Variants in BTNL8 observed in about 807,000 individuals in gnomAD.
BTNL8 encodes butyrophilin-like protein 8.
A neutral mutation model predicts 36.1 loss-of-function variants in BTNL8; 22 were observed. The observed-to-expected ratio is 0.61, with a 90% CI of 0.44 to 0.87. The LOEUF (loss-of-function observed/expected upper bound fraction) is 0.87. Ranked by LOEUF, BTNL8 falls within the 40% of genes least tolerant of loss-of-function variation. The pLI, the probability that BTNL8 is intolerant of heterozygous loss-of-function variation, is 0.00. For synonymous variants in BTNL8, 203 were observed against 235.6 expected (o/e 0.86, Z 1.27); for missense variants, 526 against 616.9 (o/e 0.85, Z 1.56).
Position 180,935,555 on chromosome 5 carries a change from G to C in BTNL8, c.674-11957G>C, listed in dbSNP as rs1008274849. Reference sequence around the variant, plus strand: ...AGTGGACACCAGGAGCAGGGAGAGGGTAGGAAGCAGAAGCAGGCACTTCTG... The same window carrying C: ...AGTGGACACCAGGAGCAGGGAGAGGCTAGGAAGCAGAAGCAGGCACTTCTG... On this transcript the variant is annotated intron_variant, in intron 3 of 7. Coordinates refer to ENST00000340184, the MANE Select transcript of BTNL8 (RefSeq NM_001040462.3). The surrounding 1 kb of genome is among the most constrained non-coding windows in gnomAD (Gnocchi z 4.8). Among the ~76,000 whole-genome samples, 3 of 152,252 alleles carry C rather than the reference G, an allele frequency of 2.0e-5. No individual in the cohort carries two copies. The highest frequency in any genetic ancestry group is 4.4e-5 in the Non-Finnish European group (3 of 68,052).
chr5:180,909,023 A>ATT lies in BTNL8; in HGVS notation c.397+90_397+91insTT, dbSNP rs1354771434. 6.5e-4 allele frequency: 875 copies of ATT among 1,343,540 alleles called. 3 individuals carry two copies. The African/African-American group carries it at 0.012, about 18-fold the overall frequency. The allele number at this position is 1,343,540 out of a possible 1,614,324, so 83.2% of individuals were successfully genotyped here. ...TTCAATAAGGAAATTTTAAAATTTTAGGTCATTTAGTTAGAAGGCAGCATT... is the reference window on the plus strand; with the variant it reads ...TTCAATAAGGAAATTTTAAAATTTTATTGGTCATTTAGTTAGAAGGCAGCATT... On this transcript the variant is annotated intron_variant, in intron 2 of 7. Coordinates refer to ENST00000340184, the MANE Select transcript of BTNL8 (RefSeq NM_001040462.3).
At chr5:180,909,718 A>T in intron 2 of BTNL8, 1 of 245,132 alleles carries the variant, frequency 4.1e-6, no homozygotes, top group Non-Finnish European at 6.4e-6. Context: ...ATCTCTATTA[A>T]AAAAAAAAAA....
intron 3 of BTNL8, among the ~76,000 whole-genome samples, chr5:180,928,334 G>A (rs1215982688): frequency 1.3e-5 from 2 of 152,106 alleles, no homozygotes; most frequent in Admixed American, 6.5e-5. Context: ...CCTGGAGAAA[G>A]CACTAAATAT....
intron 3 of BTNL8, among the ~76,000 whole-genome samples, chr5:180,912,166 G>A (rs1264814847): frequency 6.6e-6 from 1 of 152,070 alleles, no homozygotes; most frequent in African/African-American, 2.4e-5. Context: ...CTGAACCACT[G>A]GCTCTTTCTA....
intron 2 of BTNL8, among the ~76,000 whole-genome samples, chr5:180,910,870 C>T (rs893129856): frequency 3.3e-5 from 5 of 152,214 alleles, no homozygotes; most frequent in African/African-American, 1.2e-4. Context: ...GTCAGCCCCA[C>T]ACGTGTGATG....
chr5:180,930,598 C>T (rs924139543), intron 3 of BTNL8, among the ~76,000 whole-genome samples: 2 of 152,146 alleles, frequency 1.3e-5, no homozygotes, highest in East Asian at 3.8e-4. Context: ...AGCTGATAAG[C>T]AACTTTAGCA....
chr5:180,934,400 T>A (rs986430074), intron 3 of BTNL8, among the ~76,000 whole-genome samples: 31 of 152,372 alleles, frequency 2.0e-4, no homozygotes, highest in Middle Eastern at 3.4e-3. Flanking sequence ...TTAGGCCCAT[T>A]GGGCTTGTTC....
chr5:180,911,953 T>G (rs184161965), intron 3 of BTNL8, among the ~76,000 whole-genome samples: 31 of 152,188 alleles, frequency 2.0e-4, no homozygotes, highest in Non-Finnish European at 7.4e-5. Flanking sequence ...TGTTTACACA[T>G]AAGATTCACA....
In BTNL8 at chr5:180,950,647, C is replaced by A; in HGVS notation, c.*103C>A. On this transcript the variant is annotated 3_prime_UTR_variant, in exon 8 of 8. Transcript: ENST00000340184. Reference sequence around the variant, plus strand: ...AAGGTGGCTTCCAGATGAAGGGGGACTGGCCTGTCCACATGGGAGTCAGGT... The same window carrying A: ...AAGGTGGCTTCCAGATGAAGGGGGAATGGCCTGTCCACATGGGAGTCAGGT... 8.4e-7 allele frequency: 1 copy of A among 1,188,194 alleles called. No individual in the cohort carries two copies. The allele number at this position is 1,188,194 out of a possible 1,614,324, so 73.6% of individuals were successfully genotyped here. A position where few individuals can be genotyped will look rare whatever the true frequency, so the allele number is the denominator to read the frequency against.
At chr5:180,937,640 T>C (rs951900470) in intron 3 of BTNL8, among the ~76,000 whole-genome samples, 4 of 152,188 alleles carry the variant, frequency 2.6e-5, no homozygotes, top group Non-Finnish European at 5.9e-5. Flanking sequence ...AGGTGGTTTA[T>C]ATATAATGTT....
At chr5:180,916,340 C>A (rs1411008979) in intron 3 of BTNL8, among the ~76,000 whole-genome samples, 1 of 151,716 alleles carries the variant, frequency 6.6e-6, no homozygotes, top group African/African-American at 2.4e-5. Context: ...AAAACCAGTT[C>A]TAAAAGTTTA....
intron 3 of BTNL8, among the ~76,000 whole-genome samples, chr5:180,918,342 C>A (rs1271614763): frequency 6.6e-6 from 1 of 152,068 alleles, no homozygotes; most frequent in Non-Finnish European, 1.5e-5. Flanking sequence ...CTCTGGGATG[C>A]AAGAATGTTT....
intron 3 of BTNL8, among the ~76,000 whole-genome samples, chr5:180,940,855 C>A (rs1359797994): frequency 6.6e-6 from 1 of 152,072 alleles, no homozygotes; most frequent in African/African-American, 2.4e-5. Context: ...CACTTGAGGT[C>A]AGGAGCTCGA....
chr5:180,920,440 C>A (rs1757813324), intron 3 of BTNL8, among the ~76,000 whole-genome samples: 1 of 151,966 alleles, frequency 6.6e-6, no homozygotes, highest in Non-Finnish European at 1.5e-5. Flanking sequence ...ACACAAAAAT[C>A]AATTCAAAAT....
At position 180,929,665 on chromosome 5, in the gene BTNL8, A is replaced by G. The variant is rs549547930; in HGVS notation, c.674-17847A>G. The stretch of plus-strand genomic sequence containing the variant: ...TGATCCCACAGAAATACAAACTACA[A>G]TCAGAGAATACTATAAATCCCTCTA... On this transcript the variant is annotated intron_variant, in intron 3 of 7. Transcript: ENST00000340184. Among the ~76,000 whole-genome samples the G allele has an allele frequency of 3.9e-5, 6 of 152,334 alleles. No individual in the cohort carries two copies. In the South Asian group the frequency reaches 1.2e-3, roughly 32 times the overall value.
intron 1 of BTNL8, 45 bp from the exon 2 acceptor site, chr5:180,908,541 C>T: frequency 6.3e-7 from 1 of 1,586,964 alleles, no homozygotes; most frequent in Non-Finnish European, 8.6e-7. Context: ...CTCCCCCTCA[C>T]TACAAAGGGT....
At chr5:180,933,923 C>T (rs1020487288) in intron 3 of BTNL8, among the ~76,000 whole-genome samples, 12 of 151,768 alleles carry the variant, frequency 7.9e-5, no homozygotes, top group Non-Finnish European at 1.5e-4. Context: ...GACATACTTC[C>T]AAACTTATTT....
At chr5:180,941,912 C>CTTTTTTTTTTTTTTTTTTTTTTTTT (rs1554145496) in intron 3 of BTNL8, among the ~76,000 whole-genome samples, 15 of 145,154 alleles carry the variant, frequency 1.0e-4, no homozygotes, top group Middle Eastern at 3.5e-3. Flanking sequence ...TTTTACTACT[C>CTTTTTTTTTTTTTTTTTTTTTTTTT]TTATTCAACA....
chr5:180,906,006 G>A (rs1757064359), intron 1 of BTNL8, among the ~76,000 whole-genome samples: 2 of 140,832 alleles, frequency 1.4e-5, no homozygotes. Flanking sequence ...CTGTTGATTT[G>A]CGGTGGAGAG....
Sources: allele counts gnomAD v4.1 joint callset (sites outside exome capture counted in the v4.1 genomes callset), GRCh38; gene constraint gnomAD v4.1.1; non-coding constraint Gnocchi (gnomAD v3.1); transcripts MANE v1.5; gene names NCBI Gene and HGNC (gene_info 2026-07-23, HGNC 2026-07-21).